ZDHHC14: variants seen among roughly 807,000 people sequenced by gnomAD.
ZDHHC14 encodes palmitoyltransferase ZDHHC14.
A neutral mutation model predicts 47.7 loss-of-function variants in ZDHHC14; 16 were observed. That is an observed-to-expected ratio of 0.34 (90% confidence interval 0.23 to 0.51). The LOEUF is 0.51. Ranked by LOEUF, ZDHHC14 falls within the 20% of genes least tolerant of loss-of-function variation. ZDHHC14 has a pLI of 0.97. For missense variants in ZDHHC14, 515 were observed against 662.5 expected, an observed-to-expected ratio of 0.78 and a Z score of 2.44; for synonymous variants, 293 against 278.9, an observed-to-expected ratio of 1.05 and a Z score of -0.50.
chr6:157,445,787 GAGAA>G (rs1778654738), intron 1 of ZDHHC14, among the ~76,000 whole-genome samples: 2 of 152,176 alleles, frequency 1.3e-5, no homozygotes, highest in African/African-American at 4.8e-5. Flanking sequence ...GAGAGAGAGA[GAGAA>G]AGAGAGAGAG....
intron 3 of ZDHHC14, among the ~76,000 whole-genome samples, chr6:157,607,526 C>G (rs1044677737): frequency 6.6e-6 from 1 of 152,138 alleles, no homozygotes; most frequent in Admixed American, 6.5e-5. Flanking sequence ...GGACCACCTA[C>G]AGTGTGGCCT....
intron 2 of ZDHHC14, among the ~76,000 whole-genome samples, chr6:157,566,895 G>A (rs1471080898): frequency 6.6e-6 from 1 of 150,446 alleles, no homozygotes; most frequent in East Asian, 1.9e-4. Flanking sequence ...CTGTCGCCCA[G>A]GCTGGAGTGC....
chr6:157,653,601 G>A lies in ZDHHC14; in HGVS notation c.1042G>A (p.Gly348Arg), dbSNP rs767786959. 4.8e-5 allele frequency: 78 copies of A among 1,613,622 alleles called. No individual in the cohort carries two copies. The highest frequency in any genetic ancestry group is 1.3e-4 in the East Asian group (6 of 44,898). ...ACCCTCCAATGGCATCACCATGTACGGGGCCACGCAGTCACAGAGTGACAT... is the reference window on the plus strand; with the variant it reads ...ACCCTCCAATGGCATCACCATGTACAGGGCCACGCAGTCACAGAGTGACAT... ...AAPSNGITMY[G>R]ATQSQSDMCD... Residue 348 changes from glycine to arginine, a missense_variant, in exon 8 of 9, where the codon GGG becomes AGG. By Grantham distance (125) the Gly-to-Arg change is moderately radical. This residue lies in a region of ZDHHC14 where 221 missense variants were observed against 233.6 expected (regional missense o/e 0.95). Coordinates refer to ENST00000359775, the MANE Select transcript of ZDHHC14 (RefSeq NM_024630.3).
intron 1 of ZDHHC14, among the ~76,000 whole-genome samples, chr6:157,520,119 C>G (rs1343084555): frequency 6.6e-6 from 1 of 152,284 alleles, no homozygotes; most frequent in Non-Finnish European, 1.5e-5. Context: ...GGTGCGTAGC[C>G]TCTCCAGAGG....
At chr6:157,572,848 CTATTAA>C (rs1391033704) in intron 2 of ZDHHC14, among the ~76,000 whole-genome samples, 1 of 151,248 alleles carries the variant, frequency 6.6e-6, no homozygotes, top group East Asian at 1.9e-4. Context: ...TTTCTGTTCT[CTATTAA>C]GTAGACAGAA....
intron 8 of ZDHHC14, among the ~76,000 whole-genome samples, chr6:157,669,893 G>A (rs1033101668): frequency 6.6e-6 from 1 of 152,258 alleles, no homozygotes; most frequent in Non-Finnish European, 1.5e-5. Flanking sequence ...CGGCTCAGCT[G>A]CCTCTGTCAG....
At chr6:157,512,434 G>A (rs989323164) in intron 1 of ZDHHC14, among the ~76,000 whole-genome samples, 158 of 152,252 alleles carry the variant, frequency 1.0e-3, no homozygotes, top group African/African-American at 3.7e-3. Context: ...ATCCTTCAAA[G>A]ACAGAGCCAC....
intron 3 of ZDHHC14, among the ~76,000 whole-genome samples, chr6:157,609,527 A>G (rs1267995874): frequency 6.6e-6 from 1 of 152,228 alleles, no homozygotes; most frequent in African/African-American, 2.4e-5. Context: ...CAATTTACAA[A>G]GCAACGTCAT....
intron 1 of ZDHHC14, among the ~76,000 whole-genome samples, chr6:157,520,891 C>T (rs921574891): frequency 1.3e-5 from 2 of 152,158 alleles, no homozygotes; most frequent in East Asian, 3.9e-4. Context: ...GGGGACAGTT[C>T]ACTTTCTGCC....
At chr6:157,465,305 C>G (rs1348026846) in intron 1 of ZDHHC14, among the ~76,000 whole-genome samples, 2 of 152,056 alleles carry the variant, frequency 1.3e-5, no homozygotes, top group African/African-American at 4.8e-5. Flanking sequence ...GGTGCCTACT[C>G]TGAAACTAAA....
At chr6:157,555,467 A>AT (rs1782420146) in intron 2 of ZDHHC14, among the ~76,000 whole-genome samples, 1 of 152,170 alleles carries the variant, frequency 6.6e-6, no homozygotes, top group African/African-American at 2.4e-5. Context: ...TTACGTGGCT[A>AT]TTTTTTATCG....
intron 3 of ZDHHC14, among the ~76,000 whole-genome samples, chr6:157,610,753 A>G (rs147832987): frequency 0.021 from 3,272 of 152,332 alleles, 45 homozygotes; most frequent in Non-Finnish European, 0.032. Flanking sequence ...GTTCATTTTC[A>G]ACAGATGACT....
intron 1 of ZDHHC14, among the ~76,000 whole-genome samples, chr6:157,423,648 T>G (rs1778153377): frequency 6.6e-6 from 1 of 152,148 alleles, no homozygotes; most frequent in South Asian, 2.1e-4. Context: ...AACATCCACT[T>G]GTTAGATCTG....
chr6:157,439,968 A>G (rs1003794394), intron 1 of ZDHHC14, among the ~76,000 whole-genome samples: 4 of 152,080 alleles, frequency 2.6e-5, no homozygotes, highest in South Asian at 2.1e-4. Context: ...ATGTGAACAC[A>G]TAGATACAGG....
intron 1 of ZDHHC14, among the ~76,000 whole-genome samples, chr6:157,479,731 G>A (rs150067478): frequency 6.6e-6 from 1 of 152,198 alleles, no homozygotes; most frequent in Non-Finnish European, 1.5e-5. Flanking sequence ...GAATTCACTC[G>A]ATATGTATGA....
chr6:157,491,710 C>T (rs1779920840), intron 1 of ZDHHC14, among the ~76,000 whole-genome samples: 1 of 152,194 alleles, frequency 6.6e-6, no homozygotes, highest in Non-Finnish European at 1.5e-5. Context: ...TTGGCTCTGG[C>T]TTGAGTCTCA....
intron 1 of ZDHHC14, among the ~76,000 whole-genome samples, chr6:157,480,614 G>A (rs570131280): frequency 3.9e-5 from 6 of 152,290 alleles, no homozygotes; most frequent in Middle Eastern, 3.4e-3. Flanking sequence ...TGGTGAACTC[G>A]CTTATGGCCT....
chr6:157,668,010 C>T (rs970315118), intron 8 of ZDHHC14, among the ~76,000 whole-genome samples: 1 of 152,192 alleles, frequency 6.6e-6, no homozygotes, highest in African/African-American at 2.4e-5. Context: ...TGACACCCTG[C>T]AGAACAGAGC....
At chr6:157,547,423 G>A (rs571205932) in intron 2 of ZDHHC14, among the ~76,000 whole-genome samples, 11 of 151,980 alleles carry the variant, frequency 7.2e-5, no homozygotes, top group African/African-American at 2.2e-4. Context: ...GATTTGTCAG[G>A]GACACAGTTC....
Sources: gnomAD v4.1 joint callset for allele counts (sites outside exome capture counted in the v4.1 genomes callset) on GRCh38, gnomAD v4.1.1 for gene constraint, gnomAD v4.1.1 regional missense constraint, MANE v1.5 for transcripts, NCBI Gene and HGNC (gene_info 2026-07-23, HGNC 2026-07-21) for gene names.